The following SLC5A4 variants were observed in gnomAD, a reference collection of about 807,000 sequenced individuals.
SLC5A4 encodes solute carrier family 5 member 4.
In SLC5A4, 55 loss-of-function variants were observed where a neutral mutation model predicts 70.3. That is an observed-to-expected ratio of 0.78 (90% CI 0.63 to 0.98). The LOEUF is 0.98. Among genes scored for constraint, SLC5A4 ranks in the 50% least tolerant of loss-of-function variants. The pLI is 0.00. For missense variants in SLC5A4, 735 were observed against 839.2 expected, an observed-to-expected ratio of 0.88 and a Z score of 1.53; for synonymous variants, 268 against 305.7, an observed-to-expected ratio of 0.88 and a Z score of 1.29.
chr22:32,309,297 T>C, the SLC5A4 span, among the ~76,000 whole-genome samples: 4 of 152,196 alleles, frequency 2.6e-5, no homozygotes, highest in Non-Finnish European at 5.9e-5. Context: ...TGAGAAACAG[T>C]CCTTACAAAC....
chr22:32,262,144 T>C, the SLC5A4 span, among the ~76,000 whole-genome samples: 1 of 152,244 alleles, frequency 6.6e-6, no homozygotes, highest in South Asian at 2.1e-4. Context: ...AGAGTGCAAA[T>C]ATCTCTTCAA....
the SLC5A4 span, among the ~76,000 whole-genome samples, chr22:32,317,332 C>G: frequency 6.6e-6 from 1 of 151,612 alleles, no homozygotes; most frequent in East Asian, 1.9e-4. Context: ...ATGAATTGCC[C>G]AACTCAAAAA....
At chr22:32,305,345 C>T in the SLC5A4 span, among the ~76,000 whole-genome samples, 12 of 130,812 alleles carry the variant, frequency 9.2e-5, 1 homozygote, top group African/African-American at 3.6e-4. Flanking sequence ...CCTTGTGCCT[C>T]TGTTGCTTCT....
At chr22:32,323,062 T>C in the SLC5A4 span, among the ~76,000 whole-genome samples, 71,622 of 152,030 alleles carry the variant, frequency 0.47, 17,053 homozygotes, top group East Asian at 0.65. Context: ...TATCTAACTA[T>C]AGTTCGATTT....
chr22:32,272,525 C>G, the SLC5A4 span: 1 of 675,558 alleles, frequency 1.5e-6, no homozygotes, highest in Non-Finnish European at 2.7e-6. Context: ...GAGCAAGACG[C>G]TGAGCCTCGT....
chr22:32,330,107 T>C, the SLC5A4 span, among the ~76,000 whole-genome samples: 1 of 120,718 alleles, frequency 8.3e-6, no homozygotes, highest in Non-Finnish European at 1.7e-5. Flanking sequence ...GGGGCTGTGG[T>C]ATGTGTGTTG....
intron 5 of SLC5A4, among the ~76,000 whole-genome samples, chr22:32,241,150 A>T (rs1470051118): frequency 6.6e-6 from 1 of 152,270 alleles, no homozygotes; most frequent in African/African-American, 2.4e-5. Flanking sequence ...AGAAACTTAG[A>T]GTTAGACATC....
At chr22:32,334,525 T>G in the SLC5A4 span, among the ~76,000 whole-genome samples, 4 of 152,204 alleles carry the variant, frequency 2.6e-5, no homozygotes, top group Admixed American at 1.3e-4. Flanking sequence ...CCTCCATTCC[T>G]GCTGGTTGGC....
At chr22:32,244,968 G>A (rs1299653313) in intron 5 of SLC5A4, among the ~76,000 whole-genome samples, 1 of 152,188 alleles carries the variant, frequency 6.6e-6, no homozygotes, top group Non-Finnish European at 1.5e-5. Flanking sequence ...AAGAGGAATT[G>A]CAAGGATCAG....
chr22:32,353,518 G>A, the SLC5A4 span, among the ~76,000 whole-genome samples: 1 of 150,804 alleles, frequency 6.6e-6, no homozygotes, highest in East Asian at 1.9e-4. Context: ...AGAGTCTGGA[G>A]TCCGGGGAGA....
intron 2 of SLC5A4, among the ~76,000 whole-genome samples, chr22:32,253,868 C>T (rs1927311344): frequency 6.6e-6 from 1 of 151,968 alleles, no homozygotes; most frequent in Non-Finnish European, 1.5e-5. Flanking sequence ...GCAACCTCTG[C>T]CTCCCAGGTT....
the SLC5A4 span, among the ~76,000 whole-genome samples, chr22:32,309,647 G>T: frequency 6.6e-6 from 1 of 152,030 alleles, no homozygotes; most frequent in East Asian, 1.9e-4. Context: ...ACCACTGGGG[G>T]ATTGAATACA....
the SLC5A4 span, among the ~76,000 whole-genome samples, chr22:32,308,258 TTAAAA>T: frequency 2.6e-5 from 4 of 152,090 alleles, no homozygotes; most frequent in Non-Finnish European, 5.9e-5. Flanking sequence ...AGTTGAAAAA[TTAAAA>T]TAAGCCAATT....
At chr22:32,265,544 C>T in the SLC5A4 span, among the ~76,000 whole-genome samples, 1 of 152,168 alleles carries the variant, frequency 6.6e-6, no homozygotes, top group Non-Finnish European at 1.5e-5. Flanking sequence ...TTGTTGTCTA[C>T]TTTTTGGTAA....
At chr22:32,224,559 C>T in intron 12 of SLC5A4, 77 bp from the exon 13 acceptor site, 1 of 1,194,024 alleles carries the variant, frequency 8.4e-7, no homozygotes, top group East Asian at 2.4e-5. Flanking sequence ...TCATTATAAT[C>T]CTGCCTGCTT....
the SLC5A4 span, among the ~76,000 whole-genome samples, chr22:32,302,123 AATAG>A: frequency 2.0e-5 from 3 of 152,214 alleles, no homozygotes; most frequent in Non-Finnish European, 2.9e-5. Flanking sequence ...CAATATAAAA[AATAG>A]ATAAATTGAA....
chr22:32,265,773 G>A, the SLC5A4 span, among the ~76,000 whole-genome samples: 2 of 152,116 alleles, frequency 1.3e-5, no homozygotes, highest in Admixed American at 1.3e-4. Context: ...CGGGGAGGTG[G>A]AGGTTGCAGT....
At chr22:32,271,466 C>CA in the SLC5A4 span, 1 of 750,854 alleles carries the variant, frequency 1.3e-6, no homozygotes, top group East Asian at 2.8e-5. Context: ...AGGGCAATCT[C>CA]AAAGTCCACT....
the SLC5A4 span, among the ~76,000 whole-genome samples, chr22:32,261,774 TTC>T: frequency 6.6e-6 from 1 of 152,230 alleles, no homozygotes; most frequent in African/African-American, 2.4e-5. Context: ...GTTTTATTCA[TTC>T]TGTTTTTTTG....
Sources: gnomAD v4.1 joint callset for allele counts (sites outside exome capture counted in the v4.1 genomes callset) on GRCh38, gnomAD v4.1.1 for gene constraint, MANE v1.5 for transcripts, NCBI Gene and HGNC (gene_info 2026-07-23, HGNC 2026-07-21) for gene names.